Variants in FREM3 observed in about 807,000 individuals in gnomAD.
FREM3 encodes FRAS1-related extracellular matrix protein 3.
Under a neutral mutation model 129.1 loss-of-function variants are expected in FREM3, and 105 were observed. That is an observed-to-expected ratio of 0.81 (90% CI 0.69 to 0.96). FREM3 has a LOEUF of 0.96. Ranked by LOEUF, FREM3 falls within the 40% of genes least tolerant of loss-of-function variation. FREM3 has a pLI of 0.00. For synonymous variants in FREM3, 1,014 were observed against 1,044.9 expected (o/e 0.97, Z 0.57); for missense variants, 2,593 against 2,666.3 (o/e 0.97, Z 0.61).
Position 143,695,902 on chromosome 4 carries a change from G to T in FREM3, c.4774C>A (p.Pro1592Thr). 6.5e-7 allele frequency: 1 copy of T among 1,537,686 alleles called. No individual in the cohort carries two copies. The stretch of plus-strand genomic sequence containing the variant: ...TCTTGCTTGGTGAAAGTGGTCACGG[G>T]ACGGCTACCATTGTACAAAATCTTG... ...HGKILYNGSR[P>T]VTTFTKQDLN... The change falls in exon 1 of 8, where the codon CCC becomes ACC. Residue 1592 changes from proline (P) to threonine (T), a missense_variant. Transcript: ENST00000329798.
Position 143,665,985 on chromosome 4 carries a change from A to G in FREM3, c.5275+27128T>C, listed in dbSNP as rs1360429451. 2.0e-5 allele frequency among the ~76,000 whole-genome samples: 3 copies of G among 152,174 alleles called. No individual in the cohort carries two copies. In the East Asian group the frequency reaches 5.8e-4, roughly 29 times the overall value. On this transcript the variant is annotated intron_variant, in intron 2 of 7. Transcript: ENST00000329798. ...TTCTGAAAGCATTTTTCATTTTAGT[A>G]ATCAGTCTAGCTTATCTGTACTAAC...
intron 6 of FREM3, among the ~76,000 whole-genome samples, chr4:143,595,263 C>T (rs1025436028): frequency 9.2e-5 from 14 of 152,106 alleles, no homozygotes; most frequent in African/African-American, 1.7e-4. Flanking sequence ...TAGAAACAGA[C>T]GGGTAGGCTT....
chr4:143,695,407 G>A, intron 1 of FREM3, 84 bp downstream of exon 1: 1 of 1,197,854 alleles, frequency 8.3e-7, no homozygotes, highest in Non-Finnish European at 1.1e-6. Flanking sequence ...AAATGGCTGA[G>A]ATCAGGACAA....
rs1177720172 is a variant in FREM3, at chr4:143,699,483, C to A, written c.1193G>T (p.Gly398Val). Residue 398 changes from glycine to valine, a missense_variant, in exon 1 of 8, where the codon GGG becomes GTG. Around this residue, in one of 2 missense-constraint regions of FREM3, gnomAD observed 2,276 missense variants for 2,267.2 expected, o/e 1.00. Coordinates refer to ENST00000329798, the MANE Select transcript of FREM3 (RefSeq NM_001168235.2). This position sits in a 1 kb window ranked among gnomAD's most constrained non-coding sequence, Gnocchi z 4.2. ...CAGCTCCAGCTGAAAGAGGCGCTCC[C>A]CATGGGAGTTCTCTGCAGGGGGCTG... ...AYQPPAENSH[G>V]ERLFQLELEV... 1 of 1,537,306 alleles carries A rather than the reference C, an allele frequency of 6.5e-7. No individual in the cohort carries two copies. The highest frequency in any genetic ancestry group is 1.2e-5 in the South Asian group (1 of 84,064).
Position 143,699,598 on chromosome 4 carries a change from G to A in FREM3, c.1078C>T (p.Gln360Ter). The change falls in exon 1 of 8, where the codon CAG (glutamine) becomes TAG (stop). Residue 360 changes from glutamine to a stop codon, truncating the protein, a stop_gained. Coordinates refer to ENST00000329798, the MANE Select transcript of FREM3 (RefSeq NM_001168235.2). LOFTEE classifies it high-confidence loss of function. This position sits in a 1 kb window ranked among gnomAD's most constrained non-coding sequence, Gnocchi z 4.2. ...PTHPPGHPGQ[Q>*]GYVVSTDDPL... ...TCGTCGGTGCTGACCACGTAGCCCT[G>A]TTGCCCCGGGTGCCCTGGTGGGTGA... The A allele has an allele frequency of 6.5e-7, 1 of 1,530,586 alleles. No individual in the cohort carries two copies. Among genetic ancestry groups the A allele is most frequent in the Non-Finnish European group, 8.8e-7 (1 of 1,142,656 alleles). 94.8% of individuals were successfully genotyped at this position (1,530,586 alleles called of 1,614,324 possible). A position where few individuals can be genotyped will look rare whatever the true frequency, so the allele number is the denominator to read the frequency against.
intron 2 of FREM3, among the ~76,000 whole-genome samples, chr4:143,646,165 T>C (rs1228818808): frequency 1.3e-5 from 2 of 152,178 alleles, no homozygotes; most frequent in Non-Finnish European, 2.9e-5. Context: ...TTTATAAAAG[T>C]TGCCCAACAT....
intron 2 of FREM3, among the ~76,000 whole-genome samples, chr4:143,649,012 T>C (rs553290804): frequency 3.9e-4 from 59 of 152,318 alleles, no homozygotes; most frequent in Non-Finnish European, 7.6e-4. Flanking sequence ...GATCCTCCTG[T>C]CTTGGCTTCC....
chr4:143,654,491 G>A (rs981964269), intron 2 of FREM3, among the ~76,000 whole-genome samples: 1 of 152,220 alleles, frequency 6.6e-6, no homozygotes, highest in African/African-American at 2.4e-5. Flanking sequence ...AGATGTATCT[G>A]CTAGGAAAGA....
chr4:143,599,585 A>G (rs1738538270), intron 6 of FREM3, among the ~76,000 whole-genome samples: 1 of 152,190 alleles, frequency 6.6e-6, no homozygotes, highest in African/African-American at 2.4e-5. Context: ...GGAGGTAGAA[A>G]CAGATCTGAC....
intron 6 of FREM3, among the ~76,000 whole-genome samples, chr4:143,597,904 T>G (rs1738510033): frequency 6.6e-6 from 1 of 152,226 alleles, no homozygotes; most frequent in African/African-American, 2.4e-5. Context: ...TCTGGAGACT[T>G]GGAAGTCTAA....
In FREM3 at chr4:143,699,715, C is replaced by G; in HGVS notation, c.961G>C (p.Val321Leu). ...GCGTCAGGCGTCAGGGCTGTCAGCA[C>G]CAGTGGATCCACCTCCATCATCATC... ...ATMMMEVDPL[V>L]LTALTPDALA... Residue 321 changes from valine (V) to leucine (L), a missense_variant, in exon 1 of 8, where the codon GTG becomes CTG. By Grantham distance (32) the Val-to-Leu change is conservative. Coordinates refer to ENST00000329798, the MANE Select transcript of FREM3 (RefSeq NM_001168235.2). The surrounding 1 kb of genome is among the most constrained non-coding windows in gnomAD (Gnocchi z 4.2). 6.6e-7 allele frequency: 1 copy of G among 1,519,298 alleles called. No individual in the cohort carries two copies. The allele number at this position is 1,519,298 out of a possible 1,614,324, so 94.1% of individuals were successfully genotyped here. A position where few individuals can be genotyped will look rare whatever the true frequency, so the allele number is the denominator to read the frequency against.
intron 2 of FREM3, among the ~76,000 whole-genome samples, chr4:143,674,485 G>C (rs964528087): frequency 6.6e-6 from 1 of 152,106 alleles, no homozygotes; most frequent in Non-Finnish European, 1.5e-5. Context: ...TGCATCAACT[G>C]ACAAGCAAAA....
intron 3 of FREM3, 46 bp downstream of exon 3, chr4:143,627,568 C>A: frequency 6.9e-7 from 1 of 1,443,954 alleles, no homozygotes; most frequent in South Asian, 1.2e-5. Context: ...TCCCAGATTT[C>A]ATGTTTCCAT....
At chr4:143,608,787 G>A (rs971109530) in intron 6 of FREM3, among the ~76,000 whole-genome samples, 2 of 152,152 alleles carry the variant, frequency 1.3e-5, no homozygotes, top group African/African-American at 4.8e-5. Context: ...AATAGCATGA[G>A]TCAAACAGGG....
At chr4:143,671,591 A>C (rs1739965977) in intron 2 of FREM3, among the ~76,000 whole-genome samples, 1 of 152,204 alleles carries the variant, frequency 6.6e-6, no homozygotes, top group South Asian at 2.1e-4. Context: ...TTCTGTACTA[A>C]AATTCTCATT....
intron 2 of FREM3, among the ~76,000 whole-genome samples, chr4:143,682,386 G>A (rs1396735901): frequency 6.6e-6 from 1 of 152,150 alleles, no homozygotes; most frequent in Non-Finnish European, 1.5e-5. Context: ...TTCACTCCCC[G>A]CACTGAATGG....
chr4:143,625,174 C>T (rs751917262), intron 3 of FREM3, among the ~76,000 whole-genome samples: 1 of 152,166 alleles, frequency 6.6e-6, no homozygotes, highest in Non-Finnish European at 1.5e-5. Context: ...AATAGACCTT[C>T]CTCTCAACCC....
At chr4:143,613,079 C>T (rs889043213) in intron 5 of FREM3, among the ~76,000 whole-genome samples, 1 of 152,186 alleles carries the variant, frequency 6.6e-6, no homozygotes, top group Admixed American at 6.5e-5. Flanking sequence ...GGGCTCCAAC[C>T]GACTTCAGAT....
intron 2 of FREM3, among the ~76,000 whole-genome samples, chr4:143,673,805 C>T (rs1017894777): frequency 3.3e-5 from 5 of 152,236 alleles, no homozygotes; most frequent in East Asian, 1.9e-4. Flanking sequence ...TTGCCCCTCC[C>T]GCAGCCTCGC....
Sources: gnomAD v4.1 joint callset for allele counts (sites outside exome capture counted in the v4.1 genomes callset) on GRCh38, gnomAD v4.1.1 for gene constraint, gnomAD v4.1.1 regional missense constraint, Gnocchi (gnomAD v3.1) non-coding constraint, MANE v1.5 for transcripts, NCBI Gene and HGNC (gene_info 2026-07-23, HGNC 2026-07-21) for gene names.